The following DPP10 variants were observed in gnomAD, a reference collection of about 807,000 sequenced individuals.
DPP10 encodes the protein inactive dipeptidyl peptidase 10.
Under a neutral mutation model 120.9 loss-of-function variants are expected in DPP10, and 33 were observed. That is an observed-to-expected ratio of 0.27 (90% CI 0.21 to 0.37). DPP10 has a LOEUF of 0.37. DPP10 is among the 10% of genes least tolerant of loss of function. The pLI, the probability that DPP10 is intolerant of heterozygous loss-of-function variation, is 1.00. For missense variants in DPP10, 816 were observed against 942.8 expected (o/e 0.87, Z 1.76); for synonymous variants, 337 against 326.1 (o/e 1.03, Z -0.36).
chr2:114,514,139 G>T lies in DPP10; in HGVS notation c.60+71301G>T, dbSNP rs148313526. ...TTCTACCTCCATCATAATGTGAAAAGAATCTGTGGTCTAATCTGATGAAAT... is the reference window on the plus strand; with the variant it reads ...TTCTACCTCCATCATAATGTGAAAATAATCTGTGGTCTAATCTGATGAAAT... On this transcript the variant is annotated intron_variant, in intron 1 of 25. Transcript: ENST00000410059. Among the ~76,000 whole-genome samples, 5 of 152,252 alleles carry T rather than the reference G, an allele frequency of 3.3e-5. No homozygotes were observed. The East Asian group carries it at 9.7e-4, about 29-fold the overall frequency.
At chr2:115,198,516 G>T (rs2055451471) in intron 1 of DPP10, among the ~76,000 whole-genome samples, 1 of 152,114 alleles carries the variant, frequency 6.6e-6, no homozygotes, top group Non-Finnish European at 1.5e-5. Flanking sequence ...ACATGCATTT[G>T]CCTTTGCTGT....
At chr2:115,656,383 AT>A (rs919906948) in intron 5 of DPP10, among the ~76,000 whole-genome samples, 3 of 150,874 alleles carry the variant, frequency 2.0e-5, no homozygotes, top group African/African-American at 4.9e-5. Flanking sequence ...ATTGGTGCTA[AT>A]TTTTTTTTAT....
intron 1 of DPP10, among the ~76,000 whole-genome samples, chr2:114,837,611 A>G (rs533290190): frequency 7.2e-5 from 11 of 152,224 alleles, no homozygotes; most frequent in South Asian, 4.2e-4. Flanking sequence ...ATCTTGAAAA[A>G]TGTGGAGAAA....
At chr2:114,785,221 G>C (rs1015398764) in intron 1 of DPP10, among the ~76,000 whole-genome samples, 1 of 151,610 alleles carries the variant, frequency 6.6e-6, no homozygotes, top group Non-Finnish European at 1.5e-5. Context: ...ATTTGGCAGA[G>C]GCGATGAGAA....
At chr2:115,369,168 G>A (rs914847083) in intron 3 of DPP10, among the ~76,000 whole-genome samples, 1 of 151,990 alleles carries the variant, frequency 6.6e-6, no homozygotes. Context: ...TGATCAGACT[G>A]CTACCCAGAC....
intron 1 of DPP10, among the ~76,000 whole-genome samples, chr2:114,931,976 G>A (rs376601493): frequency 1.3e-5 from 2 of 152,160 alleles, no homozygotes; most frequent in Non-Finnish European, 2.9e-5. Flanking sequence ...CTTTCTGTTC[G>A]CTAAATCTGA....
intron 2 of DPP10, among the ~76,000 whole-genome samples, chr2:115,316,223 A>T (rs1401960782): frequency 6.6e-6 from 1 of 152,190 alleles, no homozygotes; most frequent in Non-Finnish European, 1.5e-5. Context: ...TCTGAGTCTT[A>T]CAAGTTGAAG....
intron 5 of DPP10, among the ~76,000 whole-genome samples, chr2:115,625,820 C>T (rs1374331612): frequency 6.6e-6 from 1 of 151,404 alleles, no homozygotes; most frequent in Non-Finnish European, 1.5e-5. Context: ...TAGTATTTGG[C>T]CATAAAAAAG....
At chr2:114,787,180 T>A (rs74423797) in intron 1 of DPP10, among the ~76,000 whole-genome samples, 2,878 of 152,276 alleles carry the variant, frequency 0.019, 89 homozygotes, top group African/African-American at 0.066. Flanking sequence ...AGAGGTAACA[T>A]CTGAGCCCAG....
intron 5 of DPP10, among the ~76,000 whole-genome samples, chr2:115,583,210 T>C (rs532451234): frequency 6.6e-6 from 1 of 152,366 alleles, no homozygotes; most frequent in African/African-American, 2.4e-5. Context: ...GACGGCTCTT[T>C]TAGAATTATT....
chr2:114,896,967 A>G (rs1027122587), intron 1 of DPP10, among the ~76,000 whole-genome samples: 6 of 151,976 alleles, frequency 3.9e-5, no homozygotes, highest in African/African-American at 1.5e-4. Context: ...TTTTGTCAAA[A>G]GCCTTTTCTG....
At chr2:115,006,422 C>T (rs994248719) in intron 1 of DPP10, among the ~76,000 whole-genome samples, 2 of 151,766 alleles carry the variant, frequency 1.3e-5, no homozygotes, top group African/African-American at 2.4e-5. Context: ...CACAGACTGG[C>T]AAATTAGATA....
intron 1 of DPP10, among the ~76,000 whole-genome samples, chr2:114,685,067 T>C (rs1699275848): frequency 6.6e-6 from 1 of 152,020 alleles, no homozygotes; most frequent in Non-Finnish European, 1.5e-5. Context: ...CATCGTCTGA[T>C]GAAGACCATT....
At chr2:115,081,035 G>T (rs1245739305) in intron 1 of DPP10, among the ~76,000 whole-genome samples, 2 of 152,116 alleles carry the variant, frequency 1.3e-5, no homozygotes, top group African/African-American at 4.8e-5. Context: ...TTCACCTGTG[G>T]CCTTTCTTAA....
chr2:115,529,814 A>T lies in DPP10; in HGVS notation c.441+3842A>T, dbSNP rs557669139. ...ATGAAAAGTAAAACTGTTTTAGGTT[A>T]TGCCAGATCATCCCTGATAGTGTCA... On this transcript the variant is annotated intron_variant, in intron 5 of 25. Coordinates refer to ENST00000410059, the MANE Select transcript of DPP10 (RefSeq NM_020868.6). 2.7e-4 allele frequency among the ~76,000 whole-genome samples: 41 copies of T among 152,280 alleles called. No homozygotes were observed. In the South Asian group the frequency reaches 7.9e-3, roughly 29 times the overall value.
intron 1 of DPP10, among the ~76,000 whole-genome samples, chr2:115,070,439 A>G (rs1172521368): frequency 2.6e-5 from 4 of 152,162 alleles, no homozygotes; most frequent in African/African-American, 9.6e-5. Flanking sequence ...CTCTTTCCAG[A>G]GGGCAATGGA....
chr2:115,320,059 G>C (rs959887178), intron 2 of DPP10, among the ~76,000 whole-genome samples: 1 of 152,004 alleles, frequency 6.6e-6, no homozygotes, highest in Non-Finnish European at 1.5e-5. Context: ...CATATAATTT[G>C]TATCTGTATT....
At chr2:115,461,525 G>A (rs2073983462) in intron 3 of DPP10, among the ~76,000 whole-genome samples, 1 of 152,004 alleles carries the variant, frequency 6.6e-6, no homozygotes, top group Non-Finnish European at 1.5e-5. Context: ...GATTTTAAAT[G>A]TTCTCACCAC....
chr2:114,644,363 T>A (rs1695956560), intron 1 of DPP10, among the ~76,000 whole-genome samples: 1 of 151,614 alleles, frequency 6.6e-6, no homozygotes, highest in Non-Finnish European at 1.5e-5. Context: ...TGTGTGTGTG[T>A]GTCTGTGTGT....
Sources: allele counts gnomAD v4.1 joint callset (sites outside exome capture counted in the v4.1 genomes callset), GRCh38; gene constraint gnomAD v4.1.1; transcripts MANE v1.5; gene names NCBI Gene and HGNC (gene_info 2026-07-23, HGNC 2026-07-21).